PHACTR1: variants seen among roughly 807,000 people sequenced by gnomAD.
The protein encoded by PHACTR1 is RPEL repeat containing 1.
In PHACTR1, 16 loss-of-function variants were observed where a neutral mutation model predicts 69.2. The observed-to-expected ratio is 0.23, with a 90% CI of 0.16 to 0.35. The LOEUF (loss-of-function observed/expected upper bound fraction) is 0.35. Among genes scored for constraint, PHACTR1 ranks in the 10% least tolerant of loss-of-function variants. The pLI is 1.00. For missense variants in PHACTR1, 510 were observed against 734.7 expected (o/e 0.69, Z 3.54); for synonymous variants, 312 against 284.5 (o/e 1.10, Z -0.97).
At chr6:12,784,745 G>A (rs539087682) in intron 4 of PHACTR1, among the ~76,000 whole-genome samples, 4 of 149,394 alleles carry the variant, frequency 2.7e-5, no homozygotes, top group East Asian at 3.9e-4. Flanking sequence ...TTTGAGTTTC[G>A]CTCTTGTTGC....
chr6:13,261,290 T>G (rs1775875806), intron 10 of PHACTR1, among the ~76,000 whole-genome samples: 1 of 152,152 alleles, frequency 6.6e-6, no homozygotes, highest in South Asian at 2.1e-4. Context: ...AGAGTTTTAT[T>G]TCTAATGGAG....
chr6:12,806,214 G>T (rs1195747599), intron 4 of PHACTR1, among the ~76,000 whole-genome samples: 1 of 152,012 alleles, frequency 6.6e-6, no homozygotes, highest in Non-Finnish European at 1.5e-5. Flanking sequence ...ATTTTCAACC[G>T]CAGTGTCTAC....
intron 5 of PHACTR1, among the ~76,000 whole-genome samples, chr6:13,106,163 T>A (rs879275715): frequency 6.6e-6 from 1 of 152,258 alleles, no homozygotes; most frequent in Non-Finnish European, 1.5e-5. Flanking sequence ...ATTCCTCAGA[T>A]AAAAGTTCTT....
chr6:13,098,820 C>T (rs891067305), intron 5 of PHACTR1, among the ~76,000 whole-genome samples: 1 of 152,196 alleles, frequency 6.6e-6, no homozygotes, highest in Non-Finnish European at 1.5e-5. Context: ...CCTTCCTAGG[C>T]TATCCAATAA....
intron 5 of PHACTR1, among the ~76,000 whole-genome samples, chr6:13,090,960 A>G (rs1318728804): frequency 1.3e-5 from 2 of 151,336 alleles, no homozygotes; most frequent in African/African-American, 2.4e-5. Flanking sequence ...ACAACTCACC[A>G]TAAAGTAGAA....
chr6:13,272,568 G>C (rs1212947815), intron 10 of PHACTR1: 1 of 670,398 alleles, frequency 1.5e-6, no homozygotes, highest in Admixed American at 3.4e-5. Flanking sequence ...AAAGAGTCCC[G>C]TCTGAGTTGC....
At chr6:13,250,729 G>A (rs1774270246) in intron 10 of PHACTR1, among the ~76,000 whole-genome samples, 1 of 152,220 alleles carries the variant, frequency 6.6e-6, no homozygotes, top group African/African-American at 2.4e-5. Flanking sequence ...GCAGGAAAAG[G>A]TGGGGGCTGG....
intron 4 of PHACTR1, among the ~76,000 whole-genome samples, chr6:12,805,608 TTTC>T (rs1275125029): frequency 7.7e-6 from 1 of 130,710 alleles, no homozygotes; most frequent in African/African-American, 2.7e-5. Context: ...TCTTTCTTTC[TTTC>T]TTTTTTTTGG....
At chr6:12,816,504 C>T (rs569572396) in intron 4 of PHACTR1, among the ~76,000 whole-genome samples, 39 of 152,288 alleles carry the variant, frequency 2.6e-4, no homozygotes, top group Non-Finnish European at 3.8e-4. Flanking sequence ...AATCTTTGTT[C>T]TTCAGGGCCC....
chr6:12,778,632 G>A (rs9463106), intron 4 of PHACTR1, among the ~76,000 whole-genome samples: 67,008 of 151,986 alleles, frequency 0.44, 15,535 homozygotes, highest in African/African-American at 0.55. Flanking sequence ...AGATAATGTG[G>A]AGAATCTTAA....
intron 4 of PHACTR1, among the ~76,000 whole-genome samples, chr6:12,800,864 G>T (rs1254875521): frequency 6.6e-6 from 1 of 151,682 alleles, no homozygotes; most frequent in African/African-American, 2.4e-5. Flanking sequence ...ACTCCAGCCT[G>T]GGTGTCACAG....
At chr6:12,955,750 A>G (rs923610292) in intron 4 of PHACTR1, among the ~76,000 whole-genome samples, 7 of 152,168 alleles carry the variant, frequency 4.6e-5, no homozygotes, top group African/African-American at 1.7e-4. Flanking sequence ...ACAGACATCA[A>G]TCTGTCATTC....
At chr6:12,851,392 C>A in intron 4 of PHACTR1, among the ~76,000 whole-genome samples, 1 of 152,144 alleles carries the variant, frequency 6.6e-6, no homozygotes, top group East Asian at 1.9e-4. Context: ...GTTTTGATGG[C>A]GTTAGAAAAT....
chr6:13,032,826 C>T (rs1802658477), intron 4 of PHACTR1, among the ~76,000 whole-genome samples: 1 of 152,104 alleles, frequency 6.6e-6, no homozygotes, highest in African/African-American at 2.4e-5. Context: ...CCAGGTTGGT[C>T]TTGAACTCAC....
chr6:12,729,647 C>T (rs1360332184), intron 3 of PHACTR1, among the ~76,000 whole-genome samples: 1 of 152,144 alleles, frequency 6.6e-6, no homozygotes, highest in Non-Finnish European at 1.5e-5. Flanking sequence ...ATACTGAATC[C>T]ACTAAAGCAG....
intron 8 of PHACTR1, among the ~76,000 whole-genome samples, chr6:13,207,611 T>A (rs1167167084): frequency 6.6e-6 from 1 of 152,088 alleles, no homozygotes; most frequent in African/African-American, 2.4e-5. Context: ...TGTGTGTGTA[T>A]TCAAACACCG....
At chr6:13,025,707 G>C (rs1002928605) in intron 4 of PHACTR1, among the ~76,000 whole-genome samples, 2 of 151,560 alleles carry the variant, frequency 1.3e-5, no homozygotes, top group Admixed American at 6.6e-5. Context: ...GTGTGTGTGT[G>C]TGTCTGTGTG....
At chr6:12,757,581 G>A (rs1279442099) in intron 4 of PHACTR1, among the ~76,000 whole-genome samples, 2 of 152,146 alleles carry the variant, frequency 1.3e-5, no homozygotes, top group Admixed American at 6.5e-5. Context: ...GCGTGGTACA[G>A]CAGAAACAGT....
At chr6:12,796,107 A>G (rs890705747) in intron 4 of PHACTR1, among the ~76,000 whole-genome samples, 1 of 152,182 alleles carries the variant, frequency 6.6e-6, no homozygotes, top group African/African-American at 2.4e-5. Context: ...CTTGGGAAAG[A>G]AGGAAAAAGA....
Sources: allele counts gnomAD v4.1 joint callset (sites outside exome capture counted in the v4.1 genomes callset), GRCh38; gene constraint gnomAD v4.1.1; transcripts MANE v1.5; gene names NCBI Gene and HGNC (gene_info 2026-07-23, HGNC 2026-07-21).